Variants in RTN4RL2 observed in about 807,000 individuals in gnomAD.
RTN4RL2 encodes reticulon 4 receptor like 2, also known as reticulon-4 receptor-like 2.
Under a neutral mutation model 27.8 loss-of-function variants are expected in RTN4RL2, and 9 were observed. That is an observed-to-expected ratio of 0.32 (90% confidence interval 0.20 to 0.57). The LOEUF (loss-of-function observed/expected upper bound fraction) is 0.57. Among genes scored for constraint, RTN4RL2 ranks in the 20% least tolerant of loss-of-function variants. RTN4RL2 has a pLI of 0.90. For missense variants in RTN4RL2, 436 were observed against 596.8 expected, an observed-to-expected ratio of 0.73 and a Z score of 2.81; for synonymous variants, 285 against 297.9, an observed-to-expected ratio of 0.96 and a Z score of 0.45.
rs1943534553 is a variant in RTN4RL2, at chr11:57,467,471, C to T, written c.32-138C>T. The T allele has an allele frequency of 1.4e-6, 2 of 1,441,186 alleles. No individual in the cohort carries two copies. Among genetic ancestry groups the T allele is most frequent in the Non-Finnish European group, 1.9e-6 (2 of 1,079,502 alleles). 89.3% of individuals were successfully genotyped at this position (1,441,186 alleles called of 1,614,324 possible). ...TCAAGCAATCCTCCTGCCTTGGCCT[C>T]CCAAAGTGCTGGGATTACAGGTGTG... On this transcript the variant is annotated intron_variant, in intron 1 of 2. Coordinates refer to ENST00000335099, the MANE Select transcript of RTN4RL2 (RefSeq NM_178570.3). This position sits in a 1 kb window ranked among gnomAD's most constrained non-coding sequence, Gnocchi z 5.5.
intron 1 of RTN4RL2, among the ~76,000 whole-genome samples, chr11:57,463,368 G>A (rs948160775): frequency 6.6e-6 from 1 of 152,222 alleles, no homozygotes; most frequent in African/African-American, 2.4e-5. Context: ...TGACTTTAGA[G>A]GAGGGGGTGA....
At position 57,474,717 on chromosome 11, in the gene RTN4RL2, C is replaced by A. The variant is rs558865503; in HGVS notation, c.514-1445C>A. 2.0e-5 allele frequency among the ~76,000 whole-genome samples: 3 copies of A among 152,324 alleles called. No homozygotes were observed. In the South Asian group the frequency reaches 6.2e-4, roughly 32 times the overall value. ...AAAAAGTGAGCTGGGCTGATGGGTG[C>A]CAAGGCATTAGCTCCCAAGTCAGCT... On this transcript the variant is annotated intron_variant, in intron 2 of 2. Transcript: ENST00000335099.
chr11:57,471,704 T>G (rs1943563276), intron 2 of RTN4RL2, among the ~76,000 whole-genome samples: 1 of 152,224 alleles, frequency 6.6e-6, no homozygotes, highest in Non-Finnish European at 1.5e-5. Flanking sequence ...CTGTGCCAGG[T>G]GAGTTCATTC....
chr11:57,470,309 G>A (rs1163780402), intron 2 of RTN4RL2, among the ~76,000 whole-genome samples: 2 of 151,940 alleles, frequency 1.3e-5, no homozygotes, highest in Non-Finnish European at 2.9e-5. Context: ...GTGCAGTAGT[G>A]CGATCTCGGC....
rs1220433205 is a variant in RTN4RL2 at position 57,476,219 on chromosome 11, C to T, written c.571C>T (p.Leu191=). The change falls in exon 3 of 3, where the codon CTG becomes TTG. Residue 191 remains leucine (L), a synonymous_variant. Coordinates refer to ENST00000335099, the MANE Select transcript of RTN4RL2 (RefSeq NM_178570.3). The surrounding 1 kb of genome is among the most constrained non-coding windows in gnomAD (Gnocchi z 8.2). The part of the protein sequence containing the change: ...LSHLFLHGNR[L]RLLTEHVFRG... ...CCACCTCTTCCTCCACGGGAACCGC[C>T]TGCGGCTGCTCACAGAGCACGTGTT... 1.2e-6 allele frequency: 2 copies of T among 1,612,322 alleles called. No individual in the cohort carries two copies. Among genetic ancestry groups the T allele is most frequent in the Middle Eastern group, 1.7e-4 (1 of 6,054 alleles).
At chr11:57,475,194 AG>A (rs1943589003) in intron 2 of RTN4RL2, among the ~76,000 whole-genome samples, 1 of 152,176 alleles carries the variant, frequency 6.6e-6, no homozygotes, top group Admixed American at 6.5e-5. Context: ...TAGCCTGCTG[AG>A]GGGGTTATAC....
intron 2 of RTN4RL2, among the ~76,000 whole-genome samples, chr11:57,472,604 G>A (rs1049087674): frequency 9.9e-5 from 15 of 152,194 alleles, no homozygotes; most frequent in Non-Finnish European, 2.9e-5. Context: ...ATGGCTTTGT[G>A]CAAGTTATTT....
Position 57,467,518 on chromosome 11 carries a change from C to G in RTN4RL2, c.32-91C>G. ...TGTGAGCCACCATATTCAGCCGGGTCTAGGCCTTTTACCAAGTTGGGGGGC... is the reference window on the plus strand; with the variant it reads ...TGTGAGCCACCATATTCAGCCGGGTGTAGGCCTTTTACCAAGTTGGGGGGC... On this transcript the variant is annotated intron_variant, in intron 1 of 2. Coordinates refer to ENST00000335099, the MANE Select transcript of RTN4RL2 (RefSeq NM_178570.3). This position sits in a 1 kb window ranked among gnomAD's most constrained non-coding sequence, Gnocchi z 5.5. 6.5e-7 allele frequency: 1 copy of G among 1,527,536 alleles called. No individual in the cohort carries two copies. The highest frequency in any genetic ancestry group is 1.3e-5 in the South Asian group (1 of 78,036). The allele number at this position is 1,527,536 out of a possible 1,614,324, so 94.6% of individuals were successfully genotyped here.
chr11:57,461,511 C>T (rs999134041), intron 1 of RTN4RL2, among the ~76,000 whole-genome samples: 1 of 146,970 alleles, frequency 6.8e-6, no homozygotes, highest in Non-Finnish European at 1.5e-5. Context: ...GTGAGGGAAG[C>T]TCAAAGGAGG....
intron 1 of RTN4RL2, among the ~76,000 whole-genome samples, chr11:57,465,462 C>A (rs1406004674): frequency 6.6e-6 from 1 of 152,202 alleles, no homozygotes; most frequent in Admixed American, 6.5e-5. Context: ...TGTCAGAGTG[C>A]AGAAACAAGT....
chr11:57,468,089 A>G lies in RTN4RL2; in HGVS notation c.512A>G (p.Gln171Arg). Residue 171 changes from glutamine (Q) to arginine (R), a missense_variant and splice_region_variant, in exon 2 of 3, where the codon CAG becomes CGG. Transcript: ENST00000335099. ...CAGGAGAACAGCCTGCTCCACCTAC[A>G]GGTGAGCCTGCCCTGCCCCCACCCT... is the stretch of plus-strand genomic sequence containing the variant. ...YLQENSLLHL[Q>R]DDLFADLANL... The G allele has an allele frequency of 6.3e-7, 1 of 1,587,528 alleles. No individual in the cohort carries two copies. The highest frequency in any genetic ancestry group is 8.5e-7 in the Non-Finnish European group (1 of 1,172,230).
chr11:57,467,928 G>A lies in RTN4RL2; in HGVS notation c.351G>A (p.Arg117=), dbSNP rs1240529810. Residue 117 remains arginine, a synonymous_variant, in exon 2 of 3, where the codon CGG becomes CGA. Coordinates refer to ENST00000335099, the MANE Select transcript of RTN4RL2 (RefSeq NM_178570.3). This position sits in a 1 kb window ranked among gnomAD's most constrained non-coding sequence, Gnocchi z 5.5. ...ALEELDLGDN[R]HLRSLEPDTF... ...AGGAGCTGGACCTCGGTGACAACCGGCACCTGCGCTCGCTGGAGCCCGACA... is the reference window on the plus strand; with the variant it reads ...AGGAGCTGGACCTCGGTGACAACCGACACCTGCGCTCGCTGGAGCCCGACA... 3.1e-6 allele frequency: 5 copies of A among 1,613,706 alleles called. No homozygotes were observed. Among genetic ancestry groups the A allele is most frequent in the Admixed American group, 3.3e-5 (2 of 60,032 alleles).
In RTN4RL2 at chr11:57,467,613, CGCCTCG is replaced by C; in HGVS notation, c.41_46del (p.Ser14_Ala15del). On this transcript the variant is annotated inframe_deletion, in exon 2 of 3. Transcript: ENST00000335099. This position sits in a 1 kb window ranked among gnomAD's most constrained non-coding sequence, Gnocchi z 5.5. ...TTCTGCTTCCCCTCCCCACAGCTCC[CGCCTCG>C]GCCTGCCTCCTGCTGATGCTCCTGG... 1 of 1,604,306 alleles carries C rather than the reference CGCCTCG, an allele frequency of 6.2e-7. No individual in the cohort carries two copies. The highest frequency in any genetic ancestry group is 8.5e-7 in the Non-Finnish European group (1 of 1,174,928).
intron 2 of RTN4RL2, among the ~76,000 whole-genome samples, chr11:57,470,990 C>G (rs191850322): frequency 6.6e-6 from 1 of 152,180 alleles, no homozygotes; most frequent in African/African-American, 2.4e-5. Context: ...AATCCCAGCA[C>G]TTCGGGAGGC....
chr11:57,464,498 T>C (rs1035622049), intron 1 of RTN4RL2, among the ~76,000 whole-genome samples: 2 of 152,196 alleles, frequency 1.3e-5, no homozygotes, highest in Non-Finnish European at 2.9e-5. Flanking sequence ...ATTTGGCTTC[T>C]TTTGGTGTCA....
chr11:57,469,907 A>C (rs1264724810), intron 2 of RTN4RL2, among the ~76,000 whole-genome samples: 1 of 152,124 alleles, frequency 6.6e-6, no homozygotes, highest in Non-Finnish European at 1.5e-5. Context: ...AATCTTTTCA[A>C]CCATTGTCGG....
chr11:57,476,103 G>T lies in RTN4RL2; in HGVS notation c.514-59G>T. ...CCTCCCCCGGCCAAGGCCCCAGCGG[G>T]GTCTGCACCCTACCTCAGGCCCATT... On this transcript the variant is annotated intron_variant, in intron 2 of 2. Transcript: ENST00000335099. This position sits in a 1 kb window ranked among gnomAD's most constrained non-coding sequence, Gnocchi z 8.2. 4 of 1,532,334 alleles carry T rather than the reference G, an allele frequency of 2.6e-6. No homozygotes were observed. The highest frequency in any genetic ancestry group is 1.2e-5 in the South Asian group (1 of 80,382). The allele number at this position is 1,532,334 out of a possible 1,614,324, so 94.9% of individuals were successfully genotyped here.
In RTN4RL2 at chr11:57,476,538, G is replaced by A; in HGVS notation, c.890G>A (p.Arg297Gln). The A allele has an allele frequency of 2.8e-6, 4 of 1,416,876 alleles. No homozygotes were observed. Among genetic ancestry groups the A allele is most frequent in the East Asian group, 3.0e-5 (1 of 33,158 alleles). The allele number at this position is 1,416,876 out of a possible 1,614,324, so 87.8% of individuals were successfully genotyped here. A position where few individuals can be genotyped will look rare whatever the true frequency, so the allele number is the denominator to read the frequency against. The stretch of plus-strand genomic sequence containing the variant: ...GCCACCCCCCCGGAGCGCCAGGGCC[G>A]AGACCTGCGCGCGCTCCGCGAGGCC... ...TCATPPERQG[R>Q]DLRALREADF... Residue 297 changes from arginine to glutamine, a missense_variant, in exon 3 of 3, where the codon CGA becomes CAA. Around this residue, in one of 3 missense-constraint regions of RTN4RL2, gnomAD observed 365 missense variants for 530.5 expected, o/e 0.69. Transcript: ENST00000335099. This position sits in a 1 kb window ranked among gnomAD's most constrained non-coding sequence, Gnocchi z 8.2.
chr11:57,466,308 A>C (rs192729573), intron 1 of RTN4RL2, among the ~76,000 whole-genome samples: 4 of 152,070 alleles, frequency 2.6e-5, no homozygotes, highest in Non-Finnish European at 5.9e-5. Flanking sequence ...CCCGGCCAAA[A>C]ATTTTTAAAA....
Sources: allele counts gnomAD v4.1 joint callset (sites outside exome capture counted in the v4.1 genomes callset), GRCh38; gene constraint gnomAD v4.1.1; regional missense constraint gnomAD v4.1.1; non-coding constraint Gnocchi (gnomAD v3.1); transcripts MANE v1.5; gene names NCBI Gene and HGNC (gene_info 2026-07-23, HGNC 2026-07-21).